The following MED13L variants were observed in gnomAD, a reference collection of about 807,000 sequenced individuals.
MED13L encodes the protein mediator complex subunit 13L.
In MED13L, 7 loss-of-function variants were observed where a neutral mutation model predicts 220.9. That is an observed-to-expected ratio of 0.03 (90% CI 0.02 to 0.06). The LOEUF (loss-of-function observed/expected upper bound fraction) is 0.06. Ranked by LOEUF, MED13L falls within the 10% of genes least tolerant of loss-of-function variation. The pLI, the probability that MED13L is intolerant of heterozygous loss-of-function variation, is 1.00. For missense variants in MED13L, 1,965 were observed against 2,760.5 expected (o/e 0.71, Z 6.46); for synonymous variants, 1,011 against 1,015.2 (o/e 1.00, Z 0.08).
At chr12:116,093,273 A>C (rs1249934833) in intron 4 of MED13L, among the ~76,000 whole-genome samples, 1 of 152,168 alleles carries the variant, frequency 6.6e-6, no homozygotes, top group East Asian at 1.9e-4. Flanking sequence ...GCAAACCCAA[A>C]GTTGTATTTT....
intron 3 of MED13L, among the ~76,000 whole-genome samples, chr12:116,105,090 G>T (rs972333865): frequency 6.6e-6 from 1 of 152,182 alleles, no homozygotes; most frequent in African/African-American, 2.4e-5. Context: ...CATTAGGTCT[G>T]CAATACTAAA....
At position 116,008,593 on chromosome 12, in the gene MED13L, G is replaced by A; in HGVS notation, c.1820C>T (p.Pro607Leu). ...TGTCTCGCTGACCTCTGCCATGAGA[G>A]GCAGTCTTTGGCCTACGAGGACAGT... ...DRTVLVGQRL[P>L]LMAEVSETAL... The change falls in exon 10 of 31, where the codon CCT becomes CTT. Residue 607 changes from proline to leucine, a missense_variant. Coordinates refer to ENST00000281928, the MANE Select transcript of MED13L (RefSeq NM_015335.5). The A allele has an allele frequency of 6.2e-7, 1 of 1,614,046 alleles. No individual in the cohort carries two copies. Among genetic ancestry groups the A allele is most frequent in the Non-Finnish European group, 8.5e-7 (1 of 1,179,996 alleles).
At chr12:115,996,449 A>T in intron 16 of MED13L, 27 bp downstream of exon 16, 1 of 1,597,134 alleles carries the variant, frequency 6.3e-7, no homozygotes, top group South Asian at 1.1e-5. Context: ...AAATATGGCA[A>T]GTAAATGACA....
intron 17 of MED13L, among the ~76,000 whole-genome samples, chr12:115,988,409 C>G (rs924065140): frequency 1.3e-5 from 2 of 152,172 alleles, no homozygotes; most frequent in Non-Finnish European, 1.5e-5. Context: ...GCAGCTGTCC[C>G]TCTCAGGCAC....
At chr12:116,141,135 C>T (rs1218391356) in intron 2 of MED13L, among the ~76,000 whole-genome samples, 1 of 152,134 alleles carries the variant, frequency 6.6e-6, no homozygotes, top group African/African-American at 2.4e-5. Context: ...CAAACCACAA[C>T]CTTATGACAA....
intron 14 of MED13L, among the ~76,000 whole-genome samples, chr12:116,001,382 A>C (rs1878732804): frequency 6.6e-6 from 1 of 152,116 alleles, no homozygotes; most frequent in Admixed American, 6.6e-5. Flanking sequence ...TTTTAAGTAG[A>C]GATGGGGTTT....
intron 2 of MED13L, among the ~76,000 whole-genome samples, chr12:116,112,767 G>A (rs1335511787): frequency 6.6e-6 from 1 of 152,192 alleles, no homozygotes; most frequent in Non-Finnish European, 1.5e-5. Context: ...ATGCTCTGCA[G>A]GTATCATGAA....
intron 2 of MED13L, among the ~76,000 whole-genome samples, chr12:116,140,408 T>C (rs1876964452): frequency 6.6e-6 from 1 of 152,236 alleles, no homozygotes; most frequent in African/African-American, 2.4e-5. Context: ...ATTACCAGTG[T>C]TACTGTTTGT....
chr12:115,986,628 T>G, intron 18 of MED13L, 139 bp from the exon 19 acceptor site: 1 of 860,814 alleles, frequency 1.2e-6, no homozygotes, highest in African/African-American at 1.7e-5. Context: ...TAAAAGTATT[T>G]TTGAAATCAT....
chr12:116,009,284 A>C (rs900850717), intron 9 of MED13L, 152 bp from the exon 10 acceptor site: 1 of 703,028 alleles, frequency 1.4e-6, no homozygotes, highest in African/African-American at 1.8e-5. Context: ...AAAACACAAT[A>C]CACCCCAATG....
intron 4 of MED13L, among the ~76,000 whole-genome samples, chr12:116,042,390 T>C (rs1881585831): frequency 6.6e-6 from 1 of 152,262 alleles, no homozygotes; most frequent in African/African-American, 2.4e-5. Context: ...GATGATTCTG[T>C]ATCTTGATTC....
At chr12:116,008,222 G>A (rs938808487) in intron 10 of MED13L, 179 bp downstream of exon 10, 3 of 794,936 alleles carry the variant, frequency 3.8e-6, no homozygotes, top group African/African-American at 3.5e-5. Context: ...CAAATGACAT[G>A]TGTGCTAACC....
At chr12:116,126,318 G>A (rs969359130) in intron 2 of MED13L, among the ~76,000 whole-genome samples, 1 of 152,220 alleles carries the variant, frequency 6.6e-6, no homozygotes, top group Non-Finnish European at 1.5e-5. Flanking sequence ...AATCTGGCTA[G>A]AATGGCATTT....
At position 115,999,281 on chromosome 12, in the gene MED13L, G is replaced by A. The variant is rs143610599; in HGVS notation, c.2570-2051C>T. Among the ~76,000 whole-genome samples the A allele has an allele frequency of 7.8e-3, 1,193 of 152,040 alleles. 16 individuals carry two copies. The highest frequency in any genetic ancestry group is 0.027 in the African/African-American group (1,114 of 41,490). On this transcript the variant is annotated intron_variant, in intron 14 of 30. Coordinates refer to ENST00000281928, the MANE Select transcript of MED13L (RefSeq NM_015335.5). ...AATACAAAAATTAGCCAGGCATGCT[G>A]GCAGGAGGCTGAGGCACAAGAATCT...
At chr12:116,276,678 G>A (rs773246867) in intron 1 of MED13L, 2 of 1,184,792 alleles carry the variant, frequency 1.7e-6, no homozygotes, top group Admixed American at 3.9e-5. Flanking sequence ...GATCGGAGGC[G>A]CGGCAGCACA....
At chr12:116,006,260 T>C in intron 12 of MED13L, 46 bp downstream of exon 12, 3 of 1,537,432 alleles carry the variant, frequency 2.0e-6, no homozygotes, top group Non-Finnish European at 2.7e-6. Flanking sequence ...CCTTTGCATT[T>C]CATTTTAGCA....
At chr12:116,172,136 G>C (rs1392553469) in intron 2 of MED13L, among the ~76,000 whole-genome samples, 1 of 152,050 alleles carries the variant, frequency 6.6e-6, no homozygotes, top group Non-Finnish European at 1.5e-5. Context: ...ATCCACTTAG[G>C]TATATAATCC....
Position 115,986,360 on chromosome 12 carries a change from T to C in MED13L, c.4244A>G (p.His1415Arg), listed in dbSNP as rs1877689194. ...ERLLLDPYGG[H>R]RDVAYIVVCP... ...CACCACAATATAGGCAACATCACGG[T>C]GGCCCCCATATGGGTCCAACAAGAG... The change falls in exon 19 of 31, where the codon CAC (histidine) becomes CGC (arginine). Residue 1415 changes from histidine to arginine, a missense_variant. His to Arg is a conservative substitution (Grantham distance 29). Coordinates refer to ENST00000281928, the MANE Select transcript of MED13L (RefSeq NM_015335.5). 6.2e-7 allele frequency: 1 copy of C among 1,614,096 alleles called. No individual in the cohort carries two copies. Among genetic ancestry groups the C allele is most frequent in the Non-Finnish European group, 8.5e-7 (1 of 1,180,012 alleles).
Position 116,113,893 on chromosome 12 carries a change from A to C in MED13L, c.311-2381T>G, listed in dbSNP as rs113063068. On this transcript the variant is annotated intron_variant, in intron 2 of 30. Coordinates refer to ENST00000281928, the MANE Select transcript of MED13L (RefSeq NM_015335.5). ...AGACAGAAGGGGGAGATCGATCAAG[A>C]AGGGAGAAGAAAATAGAATAACAAG... is the stretch of plus-strand genomic sequence containing the variant. 5.8e-3 allele frequency among the ~76,000 whole-genome samples: 869 copies of C among 150,532 alleles called. 20 individuals are homozygous for C. Among genetic ancestry groups the C allele is most frequent in the African/African-American group, 0.02 (821 of 40,522 alleles).
Sources: allele counts gnomAD v4.1 joint callset (sites outside exome capture counted in the v4.1 genomes callset), GRCh38; gene constraint gnomAD v4.1.1; transcripts MANE v1.5; gene names NCBI Gene and HGNC (gene_info 2026-07-23, HGNC 2026-07-21).